Variants in ARL15 observed in about 807,000 individuals in gnomAD.
The protein encoded by ARL15 is ARF like GTPase 15.
A neutral mutation model predicts 25.2 loss-of-function variants in ARL15; 19 were observed. That is an observed-to-expected ratio of 0.75 (90% confidence interval 0.53 to 1.10). The LOEUF is 1.10. ARL15 is among the 50% of genes least tolerant of loss of function. ARL15 has a pLI of 0.00. For missense variants in ARL15, 220 were observed against 246.0 expected, an observed-to-expected ratio of 0.89 and a Z score of 0.71; for synonymous variants, 94 against 86.8, an observed-to-expected ratio of 1.08 and a Z score of -0.46.
chr5:54,246,664 C>A (rs1053256739), intron 1 of ARL15, among the ~76,000 whole-genome samples: 4 of 152,056 alleles, frequency 2.6e-5, no homozygotes, highest in African/African-American at 9.7e-5. Flanking sequence ...TTGAAACTGC[C>A]CCCTTCTCTC....
chr5:54,280,453 T>A (rs192372101), intron 1 of ARL15, among the ~76,000 whole-genome samples: 23 of 152,318 alleles, frequency 1.5e-4, no homozygotes, highest in African/African-American at 5.1e-4. Flanking sequence ...TTTCTTACAT[T>A]CAAATAAAGG....
chr5:54,253,391 C>A (rs1443045421), intron 1 of ARL15, among the ~76,000 whole-genome samples: 1 of 151,974 alleles, frequency 6.6e-6, no homozygotes, highest in Non-Finnish European at 1.5e-5. Context: ...ACATGTAACC[C>A]CATGTAATCA....
intron 4 of ARL15, among the ~76,000 whole-genome samples, chr5:54,024,144 C>T (rs778654157): frequency 2.0e-5 from 3 of 152,288 alleles, no homozygotes; most frequent in Admixed American, 6.5e-5. Context: ...AGTGAACCTT[C>T]AGAAGGCAAA....
chr5:54,117,370 T>TACATACAC (rs1554041367), intron 3 of ARL15, among the ~76,000 whole-genome samples: 1 of 143,782 alleles, frequency 7.0e-6, no homozygotes, highest in Non-Finnish European at 1.5e-5. Flanking sequence ...GTGAGACACA[T>TACATACAC]ACACACACAC....
chr5:53,926,153 A>G (rs1448336538), intron 4 of ARL15, among the ~76,000 whole-genome samples: 1 of 152,156 alleles, frequency 6.6e-6, no homozygotes, highest in African/African-American at 2.4e-5. Flanking sequence ...TAATACAGAA[A>G]ACTGGCTACA....
intron 1 of ARL15, among the ~76,000 whole-genome samples, chr5:54,206,111 A>G (rs1755861062): frequency 6.6e-6 from 1 of 152,192 alleles, no homozygotes; most frequent in Non-Finnish European, 1.5e-5. Context: ...AATAGATTAT[A>G]TTGATCTGGC....
chr5:53,995,903 A>C (rs931723586), intron 4 of ARL15, among the ~76,000 whole-genome samples: 1 of 152,138 alleles, frequency 6.6e-6, no homozygotes, highest in Admixed American at 6.5e-5. Context: ...AAACAGAAAC[A>C]AAAACAGAAT....
At chr5:54,264,925 G>C (rs528023574) in intron 1 of ARL15, among the ~76,000 whole-genome samples, 1 of 152,100 alleles carries the variant, frequency 6.6e-6, no homozygotes, top group African/African-American at 2.4e-5. Context: ...ATTGTTTACT[G>C]TGTCTCTCCC....
At chr5:53,936,847 C>T (rs1746362754) in intron 4 of ARL15, among the ~76,000 whole-genome samples, 1 of 152,114 alleles carries the variant, frequency 6.6e-6, no homozygotes, top group South Asian at 2.1e-4. Flanking sequence ...GGTTTCTTGC[C>T]CAGTGCGATT....
chr5:54,063,126 A>G (rs1406953343), intron 4 of ARL15, among the ~76,000 whole-genome samples: 1 of 151,578 alleles, frequency 6.6e-6, no homozygotes, highest in Non-Finnish European at 1.5e-5. Context: ...AGAGGGGGGA[A>G]AAACCCCTAA....
At chr5:54,249,207 G>A (rs150318918) in intron 1 of ARL15, among the ~76,000 whole-genome samples, 7 of 152,300 alleles carry the variant, frequency 4.6e-5, no homozygotes, top group Non-Finnish European at 7.4e-5. Flanking sequence ...GATGCGGGCT[G>A]AAAAGAAGTG....
chr5:54,245,198 C>T (rs1579946692), intron 1 of ARL15, among the ~76,000 whole-genome samples: 1 of 152,162 alleles, frequency 6.6e-6, no homozygotes, highest in East Asian at 1.9e-4. Context: ...ATAATAATCA[C>T]AAGAAATTAG....
chr5:54,113,818 A>G (rs1165053328), intron 3 of ARL15, among the ~76,000 whole-genome samples: 2 of 152,200 alleles, frequency 1.3e-5, no homozygotes, highest in African/African-American at 4.8e-5. Context: ...ACATCCACCA[A>G]CGCTTCTTTC....
chr5:54,278,015 T>C (rs1455939772), intron 1 of ARL15, among the ~76,000 whole-genome samples: 2 of 152,200 alleles, frequency 1.3e-5, no homozygotes, highest in Non-Finnish European at 2.9e-5. Flanking sequence ...TTCATTCATC[T>C]GGGCCGTTCA....
chr5:54,010,447 A>G (rs560233404), intron 4 of ARL15, among the ~76,000 whole-genome samples: 5 of 152,224 alleles, frequency 3.3e-5, no homozygotes, highest in African/African-American at 1.2e-4. Flanking sequence ...TTAGTTAACA[A>G]GACATTCAAG....
intron 1 of ARL15, among the ~76,000 whole-genome samples, chr5:54,194,975 T>A (rs1283800074): frequency 1.3e-5 from 2 of 152,178 alleles, no homozygotes; most frequent in South Asian, 2.1e-4. Context: ...TCAGTCCTCC[T>A]CTACTAGTAG....
At chr5:54,050,970 T>C (rs541427798) in intron 4 of ARL15, among the ~76,000 whole-genome samples, 7 of 152,188 alleles carry the variant, frequency 4.6e-5, no homozygotes, top group Non-Finnish European at 1.0e-4. Context: ...AAACTGTAAG[T>C]CATATAACTA....
At chr5:54,295,759 G>A (rs1341983235) in intron 1 of ARL15, among the ~76,000 whole-genome samples, 1 of 152,102 alleles carries the variant, frequency 6.6e-6, no homozygotes, top group Non-Finnish European at 1.5e-5. Context: ...CATTCGAAAT[G>A]ACCAAGAACG....
intron 4 of ARL15, among the ~76,000 whole-genome samples, chr5:54,007,208 GC>G (rs11299731): frequency 0.28 from 41,997 of 151,948 alleles, 6,018 homozygotes; most frequent in East Asian, 0.46. Context: ...CAGGTCTGTG[GC>G]TTTCTAAAGC....
Sources: gnomAD v4.1 joint callset for allele counts (sites outside exome capture counted in the v4.1 genomes callset) on GRCh38, gnomAD v4.1.1 for gene constraint, MANE v1.5 for transcripts, NCBI Gene and HGNC (gene_info 2026-07-23, HGNC 2026-07-21) for gene names.